The following MCPH1 variants were observed in gnomAD, a reference collection of about 807,000 sequenced individuals.
The protein encoded by MCPH1 is microcephalin.
In MCPH1, 104 loss-of-function variants were observed where a neutral mutation model predicts 84.5. The observed-to-expected ratio is 1.23, with a 90% confidence interval of 1.05 to 1.45. MCPH1 has a LOEUF of 1.45. Among genes scored for constraint, MCPH1 ranks in the 40% most tolerant of loss-of-function variants. The probability of loss-of-function intolerance (pLI) is 0.00; values close to 1 mark genes in which losing one functional copy is unlikely to be tolerated. For missense variants in MCPH1, 1,498 were observed against 1,005.7 expected (o/e 1.49, Z -6.62); for synonymous variants, 514 against 366.8 (o/e 1.40, Z -4.58).
In MCPH1 at chr8:6,543,498, C is replaced by T. The variant is rs7842402; in HGVS notation, c.2214+43569C>T. 1.2e-4 allele frequency among the ~76,000 whole-genome samples: 18 copies of T among 151,958 alleles called. No individual in the cohort carries two copies. The East Asian group carries it at 1.4e-3, about 12-fold the overall frequency. ...GCACTGACGGGCAATGTGCGTGGGT[C>T]GTGGGGAGCATCCAGCTCCCATCTG... On this transcript the variant is annotated intron_variant, in intron 12 of 13. Coordinates refer to ENST00000344683, the MANE Select transcript of MCPH1 (RefSeq NM_024596.5).
chr8:6,591,367 T>C (rs1231316833), intron 12 of MCPH1, among the ~76,000 whole-genome samples: 1 of 152,246 alleles, frequency 6.6e-6, no homozygotes, highest in Non-Finnish European at 1.5e-5. Flanking sequence ...TGATCTCATA[T>C]GGCATTTGTA....
chr8:6,439,252 G>T (rs1004256813), intron 6 of MCPH1, among the ~76,000 whole-genome samples, 156 bp downstream of exon 6: 5 of 151,794 alleles, frequency 3.3e-5, no homozygotes, highest in African/African-American at 1.2e-4. Context: ...AAAATCTTAT[G>T]CATCATTAAG....
chr8:6,447,824 C>T (rs192036642), intron 8 of MCPH1, among the ~76,000 whole-genome samples: 55 of 152,346 alleles, frequency 3.6e-4, no homozygotes, highest in South Asian at 1.2e-3. Flanking sequence ...GTTGGGATTA[C>T]AGGCGTGAGC....
intron 12 of MCPH1, chr8:6,508,423 A>G (rs1036418762): frequency 6.1e-6 from 1 of 163,376 alleles, no homozygotes; most frequent in Non-Finnish European, 1.3e-5. Context: ...CTGGACAACA[A>G]AGTAAGACTC....
intron 12 of MCPH1, among the ~76,000 whole-genome samples, chr8:6,611,703 C>G (rs1437186790): frequency 6.6e-6 from 1 of 152,172 alleles, no homozygotes; most frequent in South Asian, 2.1e-4. Context: ...CCTGCAAGCT[C>G]CGCCTCCCGG....
Position 6,411,761 on chromosome 8 carries a change from G to A in MCPH1, c.114+2391G>A, listed in dbSNP as rs576627708. ...AACTTCATTGTATATGTATGTATAG[G>A]AAAAAACAGTATATAACCTGTTCAG... On this transcript the variant is annotated intron_variant, in intron 2 of 13. Transcript: ENST00000344683. Among the ~76,000 whole-genome samples the A allele has an allele frequency of 5.3e-5, 8 of 152,144 alleles. 1 individual carries two copies. In the East Asian group the frequency reaches 1.5e-3, roughly 29 times the overall value.
chr8:6,423,805 C>G (rs1436801781), intron 3 of MCPH1, among the ~76,000 whole-genome samples: 1 of 152,126 alleles, frequency 6.6e-6, no homozygotes, highest in Admixed American at 6.5e-5. Flanking sequence ...TCCATTCTCA[C>G]TGGAATTATC....
intron 3 of MCPH1, among the ~76,000 whole-genome samples, chr8:6,422,589 T>TTC (rs758419572): frequency 5.9e-5 from 9 of 151,826 alleles, no homozygotes; most frequent in East Asian, 5.8e-4. Flanking sequence ...TCTATCCCCT[T>TTC]TCTCTCTCTC....
chr8:6,410,897 C>G (rs1163396936), intron 2 of MCPH1, among the ~76,000 whole-genome samples: 1 of 152,090 alleles, frequency 6.6e-6, no homozygotes, highest in Non-Finnish European at 1.5e-5. Flanking sequence ...CGAGACCAGC[C>G]TGGCCAACAT....
At chr8:6,421,663 A>C (rs147966721) in intron 3 of MCPH1, among the ~76,000 whole-genome samples, 56 of 152,332 alleles carry the variant, frequency 3.7e-4, no homozygotes, top group African/African-American at 1.2e-3. Context: ...CGATGTAGTC[A>C]GTGGCTGCCT....
At chr8:6,567,500 T>A (rs1826295728) in intron 12 of MCPH1, among the ~76,000 whole-genome samples, 1 of 152,114 alleles carries the variant, frequency 6.6e-6, no homozygotes. Context: ...TTAGAGAAAG[T>A]GCCACACTGA....
At chr8:6,542,421 C>G (rs1476232358) in intron 12 of MCPH1, among the ~76,000 whole-genome samples, 1 of 151,878 alleles carries the variant, frequency 6.6e-6, no homozygotes, top group Non-Finnish European at 1.5e-5. Context: ...CATTCCAAAG[C>G]TTGGTGGGCA....
intron 8 of MCPH1, among the ~76,000 whole-genome samples, chr8:6,449,471 T>C (rs1437017918): frequency 1.3e-5 from 2 of 152,000 alleles, no homozygotes; most frequent in Non-Finnish European, 2.9e-5. Context: ...CCATTTCTAC[T>C]AAAATTACAA....
At chr8:6,453,137 G>A (rs1350367487) in intron 8 of MCPH1, among the ~76,000 whole-genome samples, 1 of 152,200 alleles carries the variant, frequency 6.6e-6, no homozygotes, top group Non-Finnish European at 1.5e-5. Flanking sequence ...CATCCAAGAA[G>A]TGGGAGAGTC....
intron 12 of MCPH1, chr8:6,562,557 T>TTTTTTTTTTTTTC (rs1825716559): frequency 5.5e-6 from 1 of 183,370 alleles, no homozygotes; most frequent in African/African-American, 2.5e-5. Context: ...TCCTTCTTTT[T>TTTTTTTTTTTTTC]TTTTTTTTTT....
At position 6,442,120 on chromosome 8, in the gene MCPH1, G is replaced by C. The variant is rs2922828; in HGVS notation, c.634G>C (p.Ala212Pro). The change falls in exon 7 of 14, where the codon GCA (alanine) becomes CCA (proline). Residue 212 changes from alanine (A) to proline (P), a missense_variant. By Grantham distance (27) the Ala-to-Pro change is conservative (BLOSUM62 -1). Coordinates refer to ENST00000344683, the MANE Select transcript of MCPH1 (RefSeq NM_024596.5). ...TAATCCAAGTAACTCTCTGTGTGAA[G>C]CACCTTTGAACATTTCACGTGATAC... ...HDNPSNSLCEAPLNISRDTLC... is the reference protein window; with the variant it reads ...HDNPSNSLCEPPLNISRDTLC... 1 of 1,613,330 alleles carries C rather than the reference G, an allele frequency of 6.2e-7. No individual in the cohort carries two copies. The highest frequency in any genetic ancestry group is 1.1e-5 in the South Asian group (1 of 91,072).
At chr8:6,550,062 T>A (rs1379066656) in intron 12 of MCPH1, among the ~76,000 whole-genome samples, 1 of 152,196 alleles carries the variant, frequency 6.6e-6, no homozygotes, top group African/African-American at 2.4e-5. Context: ...TCAGCACTGA[T>A]GTTGCCCACC....
intron 12 of MCPH1, chr8:6,503,404 C>A (rs1042118378): frequency 1.0e-5 from 8 of 776,560 alleles, no homozygotes; most frequent in Non-Finnish European, 1.7e-5. Flanking sequence ...ATAGGATGTG[C>A]ACTGGCAGAG....
chr8:6,607,504 C>T (rs1329494598), intron 12 of MCPH1, among the ~76,000 whole-genome samples: 2 of 152,228 alleles, frequency 1.3e-5, no homozygotes, highest in Non-Finnish European at 2.9e-5. Flanking sequence ...CAGCCATGAA[C>T]CTAGCAATGG....
Sources: allele counts gnomAD v4.1 joint callset (sites outside exome capture counted in the v4.1 genomes callset), GRCh38; gene constraint gnomAD v4.1.1; transcripts MANE v1.5; gene names NCBI Gene and HGNC (gene_info 2026-07-23, HGNC 2026-07-21).